ESRRG: variants seen among roughly 807,000 people sequenced by gnomAD.
The protein encoded by ESRRG is estrogen-related receptor gamma.
In ESRRG, 13 loss-of-function variants were observed where a neutral mutation model predicts 44.0. The ratio of observed to expected loss-of-function variants is 0.30; its 90% CI spans 0.19 to 0.47. The LOEUF (loss-of-function observed/expected upper bound fraction) is 0.47, where lower values mean the gene tolerates loss of function less well. Among genes scored for constraint, ESRRG ranks in the 20% least tolerant of loss-of-function variants. The pLI is 1.00. For missense variants in ESRRG, 395 were observed against 580.6 expected (o/e 0.68, Z 3.29); for synonymous variants, 215 against 214.6 (o/e 1.00, Z -0.02).
chr1:217,017,938 C>A (rs1408945217), intron 1 of ESRRG, among the ~76,000 whole-genome samples: 2 of 152,112 alleles, frequency 1.3e-5, no homozygotes, highest in African/African-American at 2.4e-5. Context: ...GTGGAATAAA[C>A]AAAAGAATAT....
At chr1:216,590,677 T>C (rs2057497750) in intron 3 of ESRRG, among the ~76,000 whole-genome samples, 1 of 152,158 alleles carries the variant, frequency 6.6e-6, no homozygotes, top group Non-Finnish European at 1.5e-5. Flanking sequence ...AGACTGAGTA[T>C]TATTCAGTAA....
At chr1:216,953,617 C>G (rs535732620) in intron 1 of ESRRG, among the ~76,000 whole-genome samples, 46 of 152,142 alleles carry the variant, frequency 3.0e-4, no homozygotes, top group African/African-American at 1.1e-3. Context: ...GAGGCATGGT[C>G]TTCAGTTCAG....
At chr1:216,759,109 C>A (rs909360744) in intron 2 of ESRRG, among the ~76,000 whole-genome samples, 6 of 152,088 alleles carry the variant, frequency 3.9e-5, no homozygotes, top group Admixed American at 6.6e-5. Context: ...ATTTGAAAAT[C>A]CATGTCTATA....
At chr1:216,634,119 C>G (rs989687886) in intron 3 of ESRRG, among the ~76,000 whole-genome samples, 5 of 152,170 alleles carry the variant, frequency 3.3e-5, no homozygotes, top group African/African-American at 1.2e-4. Flanking sequence ...CTATACTGAT[C>G]ATTCCTTTTC....
At chr1:216,816,467 G>T (rs2095141148) in intron 2 of ESRRG, among the ~76,000 whole-genome samples, 1 of 152,074 alleles carries the variant, frequency 6.6e-6, no homozygotes, top group African/African-American at 2.4e-5. Context: ...CCATGATGTT[G>T]GTTAAACAGT....
At chr1:217,027,002 T>C (rs1378331060) in intron 1 of ESRRG, among the ~76,000 whole-genome samples, 1 of 151,976 alleles carries the variant, frequency 6.6e-6, no homozygotes, top group Non-Finnish European at 1.5e-5. Flanking sequence ...TTTCTCTGAC[T>C]ATGTAAGACT....
chr1:216,797,764 C>T (rs1197395091), intron 2 of ESRRG, among the ~76,000 whole-genome samples: 3 of 152,072 alleles, frequency 2.0e-5, no homozygotes, highest in Non-Finnish European at 4.4e-5. Flanking sequence ...TGACTTAATA[C>T]TGTTGATGCT....
intron 3 of ESRRG, among the ~76,000 whole-genome samples, chr1:216,604,562 G>C (rs2059675500): frequency 6.6e-6 from 1 of 152,152 alleles, no homozygotes; most frequent in Non-Finnish European, 1.5e-5. Flanking sequence ...AGCAGGTTTA[G>C]AGCTGAGAGA....
intron 3 of ESRRG, among the ~76,000 whole-genome samples, chr1:216,620,995 A>G (rs192054537): frequency 2.6e-5 from 4 of 152,342 alleles, no homozygotes; most frequent in Admixed American, 6.5e-5. Context: ...CCAGACGTCA[A>G]GATGCAGGGT....
intron 5 of ESRRG, among the ~76,000 whole-genome samples, chr1:216,522,445 ACTTCTT>A (rs66464950): frequency 6.6e-6 from 1 of 151,054 alleles, no homozygotes; most frequent in African/African-American, 2.4e-5. Context: ...AAAAGTCTGA[ACTTCTT>A]CTATCTTTTC....
rs531590483 is a variant in ESRRG at position 216,505,403 on chromosome 1, T to A, written c.*1536A>T. The A allele has an allele frequency of 6.6e-6, 1 of 152,628 alleles. No homozygotes were observed. The highest frequency in any genetic ancestry group is 1.5e-5 in the Non-Finnish European group (1 of 68,036). 9.5% of individuals were successfully genotyped at this position (152,628 alleles called of 1,614,324 possible). A position where few individuals can be genotyped will look rare whatever the true frequency, so the allele number is the denominator to read the frequency against. ...AACGAACATTCCTAAATGAATAAAC[T>A]TATATGGATTAGGTTTTAGAATTTG... On this transcript the variant is annotated 3_prime_UTR_variant, in exon 7 of 7. Transcript: ENST00000408911.
chr1:216,561,702 A>AG (rs923893984), intron 5 of ESRRG, among the ~76,000 whole-genome samples: 1 of 145,568 alleles, frequency 6.9e-6, no homozygotes, highest in African/African-American at 2.8e-5. Flanking sequence ...AGGTATTATT[A>AG]AATTTTTTTT....
intron 2 of ESRRG, among the ~76,000 whole-genome samples, chr1:216,881,277 C>A (rs1402592654): frequency 6.6e-6 from 1 of 152,080 alleles, no homozygotes; most frequent in Non-Finnish European, 1.5e-5. Flanking sequence ...TGCAGATTAT[C>A]CTCAAAATAA....
At chr1:216,988,543 T>C (rs2075226175) in intron 1 of ESRRG, among the ~76,000 whole-genome samples, 3 of 152,204 alleles carry the variant, frequency 2.0e-5, no homozygotes, top group Admixed American at 2.0e-4. Context: ...GACTCATTCT[T>C]AATTTCTGTC....
At chr1:216,883,080 T>C (rs1362208515) in intron 2 of ESRRG, among the ~76,000 whole-genome samples, 1 of 152,106 alleles carries the variant, frequency 6.6e-6, no homozygotes, top group Non-Finnish European at 1.5e-5. Flanking sequence ...GGTTTGCTCT[T>C]AAGATACTTT....
At chr1:216,977,337 T>TACACACAC (rs1166553968) in intron 1 of ESRRG, among the ~76,000 whole-genome samples, 2 of 55,288 alleles carry the variant, frequency 3.6e-5, no homozygotes. Context: ...CCAAGGAGGA[T>TACACACAC]ACATACACAC....
At chr1:216,729,958 G>A (rs1276911829) in intron 2 of ESRRG, among the ~76,000 whole-genome samples, 1 of 152,124 alleles carries the variant, frequency 6.6e-6, no homozygotes, top group Non-Finnish European at 1.5e-5. Flanking sequence ...GGGAATTACA[G>A]GCTGGGAAAG....
intron 1 of ESRRG, among the ~76,000 whole-genome samples, chr1:216,981,841 A>AT (rs1382205198): frequency 1.3e-5 from 2 of 151,966 alleles, no homozygotes; most frequent in Non-Finnish European, 2.9e-5. Context: ...TAAATAAACA[A>AT]TTTTTTCTTA....
chr1:217,082,216 C>G (rs1157591963), intron 1 of ESRRG, among the ~76,000 whole-genome samples: 1 of 152,166 alleles, frequency 6.6e-6, no homozygotes, highest in Non-Finnish European at 1.5e-5. Context: ...AATGTACCAA[C>G]CGAAGACCAC....
Sources: allele counts gnomAD v4.1 joint callset (sites outside exome capture counted in the v4.1 genomes callset), GRCh38; gene constraint gnomAD v4.1.1; transcripts MANE v1.5; gene names NCBI Gene and HGNC (gene_info 2026-07-23, HGNC 2026-07-21).